PRSS12: variants seen among roughly 807,000 people sequenced by gnomAD.
PRSS12 encodes the protein serine protease 12.
In PRSS12, 85 loss-of-function variants were observed where a neutral mutation model predicts 104.4. The observed-to-expected ratio is 0.81, with a 90% CI of 0.68 to 0.98. PRSS12 has a LOEUF of 0.98. PRSS12 is among the 50% of genes least tolerant of loss of function. The pLI is 0.00. For synonymous variants in PRSS12, 454 were observed against 425.2 expected (o/e 1.07, Z -0.83); for missense variants, 1,141 against 1,139.2 (o/e 1.00, Z -0.02).
At chr4:118,337,626 C>G (rs1360211462) in intron 2 of PRSS12, among the ~76,000 whole-genome samples, 1 of 152,130 alleles carries the variant, frequency 6.6e-6, no homozygotes, top group African/African-American at 2.4e-5. Context: ...GCACCAAAAC[C>G]TAAGGCCTGG....
chr4:118,332,205 A>AT (rs889745939), intron 3 of PRSS12, among the ~76,000 whole-genome samples: 77 of 151,838 alleles, frequency 5.1e-4, no homozygotes, highest in South Asian at 1.5e-3. Context: ...GGTGGCATTG[A>AT]TTTTTTTTTA....
chr4:118,301,300 GC>G (rs1743401405), intron 8 of PRSS12, among the ~76,000 whole-genome samples: 1 of 152,030 alleles, frequency 6.6e-6, no homozygotes, highest in Non-Finnish European at 1.5e-5. Context: ...CATCAGAATT[GC>G]CTTTGAAAAC....
chr4:118,343,641 C>T (rs1177855852), intron 1 of PRSS12, among the ~76,000 whole-genome samples: 1 of 152,192 alleles, frequency 6.6e-6, no homozygotes, highest in Admixed American at 6.5e-5. Context: ...CCTGTAATCC[C>T]AGCTACTTGG....
At chr4:118,343,728 C>T (rs1724274905) in intron 1 of PRSS12, among the ~76,000 whole-genome samples, 1 of 152,126 alleles carries the variant, frequency 6.6e-6, no homozygotes, top group Non-Finnish European at 1.5e-5. Flanking sequence ...TATACTCCAG[C>T]CTGAGCAACA....
At chr4:118,346,826 T>G (rs1178727136) in intron 1 of PRSS12, among the ~76,000 whole-genome samples, 1 of 152,194 alleles carries the variant, frequency 6.6e-6, no homozygotes, top group Non-Finnish European at 1.5e-5. Flanking sequence ...CTAGGTTGCA[T>G]GCTCCTTATG....
rs570793078 is a variant in PRSS12 at position 118,352,405 on chromosome 4, C to G, written c.316G>C (p.Gly106Arg). Reference sequence around the variant, plus strand: ...TCCGCCCACCGCAGACACGGGGCGCCGAAGTCCGTCACGCTGACCCATGGC... The same window carrying G: ...TCCGCCCACCGCAGACACGGGGCGCGGAAGTCCGTCACGCTGACCCATGGC... ...GEPWVSVTDF[G>R]APCLRWAEVP... Residue 106 changes from glycine (G) to arginine (R), a missense_variant, in exon 1 of 13, where the codon GGC becomes CGC. Gly to Arg is a moderately radical substitution (Grantham distance 125). Transcript: ENST00000296498. 411 of 1,538,034 alleles carry G rather than the reference C, an allele frequency of 2.7e-4. No homozygotes were observed. The South Asian group carries it at 4.5e-3, about 17-fold the overall frequency.
In PRSS12 at chr4:118,308,571, G is replaced by A. The variant is rs1436598644; in HGVS notation, c.1496C>T (p.Pro499Leu). The A allele has an allele frequency of 6.2e-7, 1 of 1,612,868 alleles. No individual in the cohort carries two copies. Among genetic ancestry groups the A allele is most frequent in the African/African-American group, 1.3e-5 (1 of 74,850 alleles). The change falls in exon 8 of 13, where the codon CCT becomes CTT. Residue 499 changes from proline to leucine, a missense_variant. Coordinates refer to ENST00000296498, the MANE Select transcript of PRSS12 (RefSeq NM_003619.4). ...GEGHRLSLGF[P>L]VRLMDGENKK... ...ATTTTCTCCATCCATCAGTCTGACAGGAAAACCTAAGTCATGATTCAAAAG... is the reference window on the plus strand; with the variant it reads ...ATTTTCTCCATCCATCAGTCTGACAAGAAAACCTAAGTCATGATTCAAAAG...
chr4:118,352,611 G>A lies in PRSS12; in HGVS notation c.110C>T (p.Pro37Leu). 1 of 1,611,106 alleles carries A rather than the reference G, an allele frequency of 6.2e-7. No individual in the cohort carries two copies. The highest frequency in any genetic ancestry group is 1.7e-4 in the Middle Eastern group (1 of 6,058). ...DSLHHSHRHSPPAGPHYPYYL... is the reference protein window; with the variant it reads ...DSLHHSHRHSLPAGPHYPYYL... Reference sequence around the variant, plus strand: ...ATAGGGGTAGTGCGGACCCGCAGGGGGCGAATGGCGGTGGCTGTGGTGGAG... The same window carrying A: ...ATAGGGGTAGTGCGGACCCGCAGGGAGCGAATGGCGGTGGCTGTGGTGGAG... Residue 37 changes from proline (P) to leucine (L), a missense_variant, in exon 1 of 13, where the codon CCC becomes CTC. Transcript: ENST00000296498.
intron 4 of PRSS12, among the ~76,000 whole-genome samples, chr4:118,326,029 C>A (rs958445223): frequency 6.6e-6 from 1 of 152,012 alleles, no homozygotes; most frequent in Non-Finnish European, 1.5e-5. Context: ...TTTTGTTTCC[C>A]CCTTACATAC....
intron 1 of PRSS12, among the ~76,000 whole-genome samples, chr4:118,339,972 C>G (rs977897174): frequency 5.3e-5 from 8 of 152,072 alleles, no homozygotes. Context: ...GTCAAAAGGG[C>G]TGGAAGATAG....
intron 11 of PRSS12, among the ~76,000 whole-genome samples, chr4:118,287,439 G>A (rs141263440): frequency 9.2e-5 from 14 of 152,212 alleles, no homozygotes; most frequent in Admixed American, 5.2e-4. Flanking sequence ...TACTGCACCC[G>A]GCCAAGTACC....
chr4:118,308,691 G>A, intron 7 of PRSS12, 114 bp from the exon 8 acceptor site: 1 of 1,413,506 alleles, frequency 7.1e-7, no homozygotes, highest in Non-Finnish European at 9.9e-7. Flanking sequence ...AATCAGATGG[G>A]AAATACTTTT....
chr4:118,348,847 T>TC (rs961570486), intron 1 of PRSS12, among the ~76,000 whole-genome samples: 7 of 152,074 alleles, frequency 4.6e-5, no homozygotes, highest in Non-Finnish European at 8.8e-5. Context: ...GACAGGGGTT[T>TC]CTCCACATTG....
intron 1 of PRSS12, among the ~76,000 whole-genome samples, chr4:118,351,377 C>T (rs1326201368): frequency 6.6e-6 from 1 of 151,732 alleles, no homozygotes; most frequent in African/African-American, 2.4e-5. Flanking sequence ...CAACAAAATC[C>T]CAACAATTCA....
intron 8 of PRSS12, among the ~76,000 whole-genome samples, chr4:118,306,336 C>A (rs539758292): frequency 1.3e-5 from 2 of 152,274 alleles, no homozygotes; most frequent in East Asian, 3.9e-4. Flanking sequence ...GGCCATTCTT[C>A]CATTGCCATA....
At chr4:118,298,574 G>A (rs900780122) in intron 9 of PRSS12, among the ~76,000 whole-genome samples, 159 bp downstream of exon 9, 2 of 152,148 alleles carry the variant, frequency 1.3e-5, no homozygotes, top group Admixed American at 1.3e-4. Flanking sequence ...CCCCACCTAG[G>A]CAAGTTTGCC....
intron 10 of PRSS12, 109 bp from the exon 11 acceptor site, chr4:118,295,170 A>T (rs1383944057): frequency 7.1e-7 from 1 of 1,407,576 alleles, no homozygotes; most frequent in South Asian, 1.2e-5. Context: ...CAGGTGGGGG[A>T]AAAGGAAAGC....
At chr4:118,326,210 A>G (rs1723765277) in intron 4 of PRSS12, among the ~76,000 whole-genome samples, 1 of 152,214 alleles carries the variant, frequency 6.6e-6, no homozygotes, top group African/African-American at 2.4e-5. Context: ...TGTGCCATAT[A>G]CAGAGTTTGT....
intron 7 of PRSS12, chr4:118,312,922 T>C (rs558087004): frequency 2.9e-5 from 13 of 445,696 alleles, no homozygotes; most frequent in African/African-American, 2.6e-4. Context: ...GCAGCTTCTT[T>C]ATTCCATTTT....
Sources: gnomAD v4.1 joint callset for allele counts (sites outside exome capture counted in the v4.1 genomes callset) on GRCh38, gnomAD v4.1.1 for gene constraint, MANE v1.5 for transcripts, NCBI Gene and HGNC (gene_info 2026-07-23, HGNC 2026-07-21) for gene names.